Variants in NAALADL2 observed in about 807,000 individuals in gnomAD.
The protein encoded by NAALADL2 is inactive N-acetylated-alpha-linked acidic dipeptidase-like protein 2.
In NAALADL2, 76 loss-of-function variants were observed where a neutral mutation model predicts 87.2. That is an observed-to-expected ratio of 0.87 (90% CI 0.72 to 1.05). The LOEUF is 1.05. Ranked by LOEUF, NAALADL2 falls within the 50% of genes least tolerant of loss-of-function variation. NAALADL2 has a pLI of 0.00. For synonymous variants in NAALADL2, 354 were observed against 331.0 expected, an observed-to-expected ratio of 1.07 and a Z score of -0.75; for missense variants, 1,089 against 945.8, an observed-to-expected ratio of 1.15 and a Z score of -1.99.
chr3:175,679,266 TA>T (rs1382092175), intron 11 of NAALADL2, among the ~76,000 whole-genome samples: 2 of 145,636 alleles, frequency 1.4e-5, no homozygotes, highest in Non-Finnish European at 3.0e-5. Flanking sequence ...CCCTAGAACT[TA>T]AAGTATAGTT....
At chr3:174,667,209 T>C (rs1726036295) in intron 2 of NAALADL2, among the ~76,000 whole-genome samples, 1 of 152,158 alleles carries the variant, frequency 6.6e-6, no homozygotes, top group Non-Finnish European at 1.5e-5. Flanking sequence ...TGGTGGATCA[T>C]TTGGTAATTC....
At chr3:174,569,320 T>C (rs964302799) in intron 2 of NAALADL2, among the ~76,000 whole-genome samples, 3 of 152,102 alleles carry the variant, frequency 2.0e-5, no homozygotes, top group East Asian at 1.9e-4. Flanking sequence ...AAGAATAGTA[T>C]AGAAATTAAA....
At chr3:175,145,498 A>T (rs1170407472) in intron 2 of NAALADL2, among the ~76,000 whole-genome samples, 1 of 152,096 alleles carries the variant, frequency 6.6e-6, no homozygotes, top group Non-Finnish European at 1.5e-5. Context: ...GATGAAACTT[A>T]TCGGAAAGAA....
chr3:175,309,963 G>T (rs1758163535), intron 4 of NAALADL2, among the ~76,000 whole-genome samples: 1 of 152,140 alleles, frequency 6.6e-6, no homozygotes, highest in South Asian at 2.1e-4. Context: ...TCTCAGTCCA[G>T]TGTTTTTTCA....
chr3:174,689,236 A>G (rs1728329839), intron 2 of NAALADL2, among the ~76,000 whole-genome samples: 1 of 152,072 alleles, frequency 6.6e-6, no homozygotes, highest in Non-Finnish European at 1.5e-5. Context: ...ATATTTTTCT[A>G]TGCTCAAAGC....
rs147051483 is a variant in NAALADL2, at chr3:175,645,241, C to T, written c.1896+17855C>T. Among the ~76,000 whole-genome samples, 908 of 152,066 alleles carry T rather than the reference C, an allele frequency of 6.0e-3. 9 individuals carry two copies. Among genetic ancestry groups the T allele is most frequent in the African/African-American group, 0.021 (869 of 41,478 alleles). On this transcript the variant is annotated intron_variant, in intron 11 of 13. Coordinates refer to ENST00000454872, the MANE Select transcript of NAALADL2 (RefSeq NM_207015.3). The stretch of plus-strand genomic sequence containing the variant: ...TTTCTCAGTGTTTCACTATATCATA[C>T]TGCCTCACATCCCGACTCAAAAACT...
At position 175,730,395 on chromosome 3, in the gene NAALADL2, GATATATATATATATATATATATATATAT is replaced by G. The variant is rs5854656; in HGVS notation, c.1897-6889_1897-6862del. On this transcript the variant is annotated intron_variant, in intron 11 of 13. Transcript: ENST00000454872. ...GAGTATTTTCAGAAAACTTAATACAGATATATATATATATATATATATATATATATATATATATATATATATATACACA... is the reference window on the plus strand; with the variant it reads ...GAGTATTTTCAGAAAACTTAATACAGATATATATATATATATATATACACA... 4.3e-4 allele frequency among the ~76,000 whole-genome samples: 24 copies of G among 55,748 alleles called. No homozygotes were observed. In the South Asian group the frequency reaches 5.1e-3, roughly 12 times the overall value. The allele number at this position is 55,748 out of a possible 152,430, so 36.6% of individuals were successfully genotyped here.
At chr3:174,826,974 T>A (rs1479634639) in intron 3 of NAALADL2, among the ~76,000 whole-genome samples, 1 of 152,166 alleles carries the variant, frequency 6.6e-6, no homozygotes, top group African/African-American at 2.4e-5. Context: ...ATAAAAGCAC[T>A]CTTATTATAA....
At chr3:175,157,973 A>C (rs1238044096) in intron 2 of NAALADL2, among the ~76,000 whole-genome samples, 1 of 152,140 alleles carries the variant, frequency 6.6e-6, no homozygotes, top group Non-Finnish European at 1.5e-5. Flanking sequence ...TCCATGCACC[A>C]AAACCAAAGG....
chr3:175,645,863 A>G (rs1167652302), intron 11 of NAALADL2, among the ~76,000 whole-genome samples: 1 of 152,136 alleles, frequency 6.6e-6, no homozygotes, highest in African/African-American at 2.4e-5. Context: ...CACATTCTTT[A>G]AAGTAGATAA....
At chr3:174,980,739 T>C (rs888193095) in intron 1 of NAALADL2, among the ~76,000 whole-genome samples, 37 of 152,186 alleles carry the variant, frequency 2.4e-4, no homozygotes, top group African/African-American at 8.2e-4. Flanking sequence ...CTAACAAATA[T>C]ATTGATAGGG....
chr3:174,994,543 C>T (rs1460773150), intron 1 of NAALADL2, among the ~76,000 whole-genome samples: 1 of 152,118 alleles, frequency 6.6e-6, no homozygotes, highest in Non-Finnish European at 1.5e-5. Flanking sequence ...ACTTAAATTT[C>T]CAAATTTTAT....
At chr3:174,717,456 T>C (rs898995574) in intron 2 of NAALADL2, among the ~76,000 whole-genome samples, 3 of 152,166 alleles carry the variant, frequency 2.0e-5, no homozygotes, top group Non-Finnish European at 4.4e-5. Flanking sequence ...CATTTTAAAA[T>C]ACCTTCCATT....
At chr3:174,486,782 A>G (rs1488187497) in intron 1 of NAALADL2, among the ~76,000 whole-genome samples, 3 of 151,974 alleles carry the variant, frequency 2.0e-5, no homozygotes, top group African/African-American at 7.2e-5. Context: ...AATTAGTTAT[A>G]TCACTGAAAT....
chr3:174,825,585 T>C (rs1315812819), intron 3 of NAALADL2, among the ~76,000 whole-genome samples: 1 of 152,226 alleles, frequency 6.6e-6, no homozygotes, highest in African/African-American at 2.4e-5. Flanking sequence ...AATAATGTTT[T>C]GCCAGCTATC....
At chr3:174,627,693 C>T (rs1209330369) in intron 2 of NAALADL2, among the ~76,000 whole-genome samples, 1 of 152,194 alleles carries the variant, frequency 6.6e-6, no homozygotes, top group East Asian at 1.9e-4. Context: ...AACCTGTGTT[C>T]ATCAACAGAT....
intron 11 of NAALADL2, among the ~76,000 whole-genome samples, chr3:175,644,290 T>C (rs1582750161): frequency 1.3e-5 from 2 of 152,160 alleles, no homozygotes; most frequent in African/African-American, 4.8e-5. Context: ...GTCATTTCCA[T>C]GTAATCTAGT....
intron 5 of NAALADL2, among the ~76,000 whole-genome samples, chr3:175,409,751 A>G (rs1713123377): frequency 6.6e-6 from 1 of 152,018 alleles, no homozygotes; most frequent in African/African-American, 2.4e-5. Context: ...TTACTTTCAG[A>G]GCAATTTTTT....
intron 4 of NAALADL2, among the ~76,000 whole-genome samples, chr3:175,281,356 GTA>G (rs1479183901): frequency 6.6e-6 from 1 of 151,702 alleles, no homozygotes; most frequent in Admixed American, 6.6e-5. Flanking sequence ...TATTTTCCAT[GTA>G]TAAGATTCTT....
Sources: gnomAD v4.1 joint callset for allele counts (sites outside exome capture counted in the v4.1 genomes callset) on GRCh38, gnomAD v4.1.1 for gene constraint, MANE v1.5 for transcripts, NCBI Gene and HGNC (gene_info 2026-07-23, HGNC 2026-07-21) for gene names.